The following CLCNKB variants were observed in gnomAD, a reference collection of about 807,000 sequenced individuals.
CLCNKB encodes the protein chloride channel protein ClC-Kb.
A neutral mutation model predicts 83.8 loss-of-function variants in CLCNKB; 74 were observed. That is an observed-to-expected ratio of 0.88 (90% CI 0.73 to 1.07). The LOEUF is 1.07. Among genes scored for constraint, CLCNKB ranks in the 50% least tolerant of loss-of-function variants. The probability of loss-of-function intolerance (pLI) is 0.00; values close to 1 mark genes in which losing one functional copy is unlikely to be tolerated. For synonymous variants in CLCNKB, 358 were observed against 356.6 expected (o/e 1.00, Z -0.04); for missense variants, 798 against 893.6 (o/e 0.89, Z 1.36).
chr1:16,053,869 G>C (rs1037326016), intron 16 of CLCNKB, 97 bp downstream of exon 16: 1 of 1,501,398 alleles, frequency 6.7e-7, no homozygotes, highest in African/African-American at 1.4e-5. Flanking sequence ...TCCAGGCTCT[G>C]TGACTTAGCA....
intron 4 of CLCNKB, among the ~76,000 whole-genome samples, chr1:16,047,396 G>A (rs2023133240): frequency 6.6e-6 from 1 of 152,136 alleles, no homozygotes; most frequent in South Asian, 2.1e-4. Flanking sequence ...ACTGAGCAGT[G>A]TTTGCACCAC....
chr1:16,052,166 C>T lies in CLCNKB; in HGVS notation c.1409-32C>T, dbSNP rs2023314320. The T allele has an allele frequency of 4.3e-6, 7 of 1,612,068 alleles. 1 individual carries two copies. Among genetic ancestry groups the T allele is most frequent in the Non-Finnish European group, 3.4e-6 (4 of 1,179,678 alleles). ...CCCTAACATGAGGCTGGCCCCTGGC[C>T]TGAGCTGCCCTGCCTGACTCTGCCC... On this transcript the variant is annotated intron_variant, in intron 14 of 19. Coordinates refer to ENST00000375679, the MANE Select transcript of CLCNKB (RefSeq NM_000085.5).
At chr1:16,053,125 G>T (rs2023343446) in intron 15 of CLCNKB, among the ~76,000 whole-genome samples, 1 of 152,026 alleles carries the variant, frequency 6.6e-6, no homozygotes, top group Non-Finnish European at 1.5e-5. Context: ...AACCTCCCAG[G>T]TTCAAGCAAT....
intron 1 of CLCNKB, 102 bp from the exon 2 acceptor site, chr1:16,044,384 A>ACACACACAC: frequency 2.9e-6 from 2 of 681,984 alleles, no homozygotes; most frequent in Non-Finnish European, 4.8e-6. Context: ...CACACGCACA[A>ACACACACAC]TCTTTCCTCT....
chr1:16,049,775 C>G (rs371589873), intron 9 of CLCNKB, 40 bp from the exon 10 acceptor site: 1 of 1,613,436 alleles, frequency 6.2e-7, no homozygotes, highest in African/African-American at 1.3e-5. Context: ...GCCCCTGGTA[C>G]TGGGGTCGGG....
chr1:16,057,183 A>T lies in CLCNKB; in HGVS notation c.*267A>T. The T allele has an allele frequency of 1.4e-6, 1 of 692,016 alleles. No homozygotes were observed. Among genetic ancestry groups the T allele is most frequent in the Non-Finnish European group, 2.7e-6 (1 of 370,212 alleles). The allele number at this position is 692,016 out of a possible 1,614,324, so 42.9% of individuals were successfully genotyped here. ...ACCAGTATCTGCCAGTTGCTCAGTG[A>T]CTGGCCATCACATTAATGAATGATG... On this transcript the variant is annotated 3_prime_UTR_variant, in exon 20 of 20. Coordinates refer to ENST00000375679, the MANE Select transcript of CLCNKB (RefSeq NM_000085.5).
Position 16,056,871 on chromosome 1 carries a change from G to A in CLCNKB, c.2019G>A (p.Met673Ile). The A allele has an allele frequency of 1.3e-6, 2 of 1,579,824 alleles. No homozygotes were observed. The highest frequency in any genetic ancestry group is 1.7e-6 in the Non-Finnish European group (2 of 1,168,962). ...RAVGCVSWVE[M>I]KKAISNLTNP... ...TCCACCCCCTTTCTCTGTTCTAGAT[G>A]AAGAAAGCAATTTCCAACCTGACAA... The change falls in exon 20 of 20, where the codon ATG becomes ATA. Residue 673 changes from methionine to isoleucine, a missense_variant and splice_region_variant. Transcript: ENST00000375679.
At chr1:16,045,297 G>A (rs1171809863) in intron 2 of CLCNKB, among the ~76,000 whole-genome samples, 4 of 152,212 alleles carry the variant, frequency 2.6e-5, no homozygotes, top group African/African-American at 9.7e-5. Flanking sequence ...AGTACAGGCA[G>A]GGATGCGGAG....
intron 2 of CLCNKB, among the ~76,000 whole-genome samples, chr1:16,045,107 TA>T (rs35851126): frequency 0.55 from 82,882 of 152,046 alleles, 24,682 homozygotes; most frequent in South Asian, 0.71. Flanking sequence ...CAGGCTGGGC[TA>T]GCAGCCAGTG....
At position 16,048,556 on chromosome 1, in the gene CLCNKB, C is replaced by G. The variant is rs1434140784; in HGVS notation, c.629C>G (p.Ala210Gly). ...MLVAAAAVGV[A>G]TVFAAPFSGV... ...GTGGCAGCGGCGGCAGTGGGCGTGGCCACAGTCTTTGCAGCTCCCTTCAGC... is the reference window on the plus strand; with the variant it reads ...GTGGCAGCGGCGGCAGTGGGCGTGGGCACAGTCTTTGCAGCTCCCTTCAGC... Residue 210 changes from alanine (A) to glycine (G), a missense_variant, in exon 7 of 20, where the codon GCC becomes GGC. Coordinates refer to ENST00000375679, the MANE Select transcript of CLCNKB (RefSeq NM_000085.5). 6.2e-7 allele frequency: 1 copy of G among 1,613,076 alleles called. No individual in the cohort carries two copies. Among genetic ancestry groups the G allele is most frequent in the South Asian group, 1.1e-5 (1 of 91,046 alleles).
At chr1:16,046,739 A>T in intron 4 of CLCNKB, 76 bp downstream of exon 4, 1 of 1,572,954 alleles carries the variant, frequency 6.4e-7, no homozygotes, top group Non-Finnish European at 8.7e-7. Flanking sequence ...GGGAAGGGGC[A>T]GCCTCATTTC....
In CLCNKB at chr1:16,047,921, G is replaced by A; in HGVS notation, c.375G>A (p.Glu125=). ...TPSSGGSGIP[E]VKTMLAGVVL... Reference sequence around the variant, plus strand: ...CCCGCCAAGGTTCTGGAATCCCGGAGGTGAAGACCATGTTGGCGGGTGTGG... The same window carrying A: ...CCCGCCAAGGTTCTGGAATCCCGGAAGTGAAGACCATGTTGGCGGGTGTGG... The change falls in exon 5 of 20, where the codon GAG becomes GAA. Residue 125 remains glutamate, a synonymous_variant. Transcript: ENST00000375679. 1 of 1,613,876 alleles carries A rather than the reference G, an allele frequency of 6.2e-7. No individual in the cohort carries two copies. The highest frequency in any genetic ancestry group is 1.3e-5 in the African/African-American group (1 of 75,020).
chr1:16,046,816 G>C (rs1342653713), intron 4 of CLCNKB, among the ~76,000 whole-genome samples, 153 bp downstream of exon 4: 1 of 152,242 alleles, frequency 6.6e-6, no homozygotes, highest in Non-Finnish European at 1.5e-5. Flanking sequence ...GCCAGATCTT[G>C]ACTTTTGGGT....
chr1:16,055,720 G>C lies in CLCNKB; in HGVS notation c.1891G>C (p.Val631Leu), dbSNP rs1196897297. The change falls in exon 18 of 20, where the codon GTG (valine) becomes CTG (leucine). Residue 631 changes from valine to leucine, a missense_variant. Val to Leu is a conservative substitution (Grantham distance 32). Transcript: ENST00000375679. ...ILAAGCPTEP[V>L]TLKLSPETSL... Reference sequence around the variant, plus strand: ...GGCTGCAGGCTGCCCCACAGAACCAGTGACCCTGAAGCTGTCCCCAGAGAC... The same window carrying C: ...GGCTGCAGGCTGCCCCACAGAACCACTGACCCTGAAGCTGTCCCCAGAGAC... 1 of 1,613,924 alleles carries C rather than the reference G, an allele frequency of 6.2e-7. No individual in the cohort carries two copies. The highest frequency in any genetic ancestry group is 1.7e-5 in the Admixed American group (1 of 60,034).
chr1:16,052,733 G>A (rs113702365), intron 15 of CLCNKB, among the ~76,000 whole-genome samples: 21,003 of 152,098 alleles, frequency 0.14, 1,858 homozygotes, highest in African/African-American at 0.24. Flanking sequence ...GTCAGCACCA[G>A]ATCCGAGAGG....
rs771758217 is a variant in CLCNKB at position 16,051,772 on chromosome 1, G to T, written c.1360G>T (p.Ala454Ser). 6.2e-7 allele frequency: 1 copy of T among 1,613,934 alleles called. No homozygotes were observed. Among genetic ancestry groups the T allele is most frequent in the Non-Finnish European group, 8.5e-7 (1 of 1,179,964 alleles). ...TTTTATCTTCCCTGAGGGCATCGTG[G>T]CTGGAGGGATCACCAATCCCATCAT... ...LSFIFPEGIV[A>S]GGITNPIMPG... The change falls in exon 14 of 20, where the codon GCT (alanine) becomes TCT (serine). Residue 454 changes from alanine to serine, a missense_variant. Coordinates refer to ENST00000375679, the MANE Select transcript of CLCNKB (RefSeq NM_000085.5).
chr1:16,051,418 C>T (rs1244458647), intron 12 of CLCNKB, 60 bp from the exon 13 acceptor site: 1 of 1,587,042 alleles, frequency 6.3e-7, no homozygotes, highest in African/African-American at 1.4e-5. Context: ...TCCTGTCCTC[C>T]CTTGTCCACG....
In CLCNKB at chr1:16,048,382, C is replaced by A; in HGVS notation, c.538C>A (p.Leu180Met). 6 of 1,614,042 alleles carry A rather than the reference C, an allele frequency of 3.7e-6. No homozygotes were observed. The highest frequency in any genetic ancestry group is 5.1e-6 in the Non-Finnish European group (6 of 1,180,012). Reference protein sequence around the residue: ...VHLSVMMAAYLGRVRTTTIGE... With the variant: ...VHLSVMMAAYMGRVRTTTIGE... ...CCTGTCTGTGATGATGGCTGCCTAC[C>A]TGGGCCGTGTGCGCACCACGACCAT... The change falls in exon 6 of 20, where the codon CTG becomes ATG. Residue 180 changes from leucine to methionine, a missense_variant. By Grantham distance (15) the Leu-to-Met change is conservative. Coordinates refer to ENST00000375679, the MANE Select transcript of CLCNKB (RefSeq NM_000085.5).
chr1:16,050,297 C>G lies in CLCNKB; in HGVS notation c.969-219C>G, dbSNP rs80267677. 0.036 allele frequency among the ~76,000 whole-genome samples: 5,422 copies of G among 152,208 alleles called. 348 individuals are homozygous for G. Among genetic ancestry groups the G allele is most frequent in the African/African-American group, 0.12 (5,133 of 41,472 alleles). ...GCCTGGCCCCACTCTGTCCTCCCTCCCAGCCTGCCTGTGCCCCAATTCTCC... is the reference window on the plus strand; with the variant it reads ...GCCTGGCCCCACTCTGTCCTCCCTCGCAGCCTGCCTGTGCCCCAATTCTCC... On this transcript the variant is annotated intron_variant, in intron 10 of 19. Transcript: ENST00000375679.
Sources: allele counts gnomAD v4.1 joint callset (sites outside exome capture counted in the v4.1 genomes callset), GRCh38; gene constraint gnomAD v4.1.1; transcripts MANE v1.5; gene names NCBI Gene and HGNC (gene_info 2026-07-23, HGNC 2026-07-21).